Variants in MMP11 observed in about 807,000 individuals in gnomAD.
The protein encoded by MMP11 is stromelysin-3.
MMP11 carries 26 observed loss-of-function variants against 49.5 expected under a neutral mutation model. The ratio of observed to expected loss-of-function variants is 0.52; its 90% confidence interval spans 0.38 to 0.73. The LOEUF is 0.73. Ranked by LOEUF, MMP11 falls within the 30% of genes least tolerant of loss-of-function variation. The pLI, the probability that MMP11 is intolerant of heterozygous loss-of-function variation, is 0.00. For synonymous variants in MMP11, 265 were observed against 282.3 expected (o/e 0.94, Z 0.62); for missense variants, 624 against 671.2 (o/e 0.93, Z 0.78).
chr22:23,773,014 A>AG, intron 1 of MMP11, 36 bp downstream of exon 1: 1 of 1,159,824 alleles, frequency 8.6e-7, no homozygotes, highest in Non-Finnish European at 1.1e-6. Context: ...CTCCTCGCTG[A>AG]GGGGGCGCCG....
chr22:23,782,603 T>A, intron 7 of MMP11, 120 bp downstream of exon 7: 1 of 1,268,024 alleles, frequency 7.9e-7, no homozygotes, highest in African/African-American at 1.5e-5. Flanking sequence ...ACAGGTCCTT[T>A]GTCCAGAGCC....
rs1036311149 is a variant in MMP11 at position 23,772,912 on chromosome 22, C to T, written c.42C>T (p.Ala14=). The change falls in exon 1 of 8, where the codon GCC becomes GCT. Residue 14 remains alanine (A), a synonymous_variant. Coordinates refer to ENST00000215743, the MANE Select transcript of MMP11 (RefSeq NM_005940.5). ...GGCTCCGCAGCGCGGCCGCGCGCGCCCTCCTGCCCCCGATGCTGCTGCTGC... is the reference window on the plus strand; with the variant it reads ...GGCTCCGCAGCGCGGCCGCGCGCGCTCTCCTGCCCCCGATGCTGCTGCTGC... ...AAWLRSAAAR[A]LLPPMLLLLL... is the part of the protein sequence containing the mutation. 1 of 1,179,870 alleles carries T rather than the reference C, an allele frequency of 8.5e-7. No individual in the cohort carries two copies. Among genetic ancestry groups the T allele is most frequent in the African/African-American group, 1.6e-5 (1 of 62,140 alleles). 73.1% of individuals were successfully genotyped at this position (1,179,870 alleles called of 1,614,324 possible). A position where few individuals can be genotyped will look rare whatever the true frequency, so the allele number is the denominator to read the frequency against.
intron 1 of MMP11, among the ~76,000 whole-genome samples, chr22:23,773,950 C>T (rs1445109447): frequency 1.3e-5 from 2 of 152,128 alleles, no homozygotes; most frequent in Non-Finnish European, 2.9e-5. Flanking sequence ...GCAGCCTTGT[C>T]CTGTGCTGGC....
intron 7 of MMP11, 55 bp downstream of exon 7, chr22:23,782,538 A>G: frequency 6.5e-7 from 1 of 1,538,192 alleles, no homozygotes; most frequent in Non-Finnish European, 8.7e-7. Flanking sequence ...CGCTTCTCCC[A>G]CCTGGTGGTG....
At chr22:23,782,153 T>G (rs1208748004) in intron 6 of MMP11, 73 bp from the exon 7 acceptor site, 85 of 1,563,126 alleles carry the variant, frequency 5.4e-5, no homozygotes, top group Non-Finnish European at 7.1e-5. Context: ...GTGGTAGGGG[T>G]CAAGCAGGTC....
At chr22:23,778,444 C>T (rs764409935) in intron 1 of MMP11, among the ~76,000 whole-genome samples, 13 of 152,206 alleles carry the variant, frequency 8.5e-5, no homozygotes, top group Non-Finnish European at 1.6e-4. Flanking sequence ...TTGAAGAAGG[C>T]AGGCAGATCA....
intron 1 of MMP11, among the ~76,000 whole-genome samples, chr22:23,773,478 T>A (rs1927307853): frequency 6.6e-6 from 1 of 152,106 alleles, no homozygotes; most frequent in African/African-American, 2.4e-5. Context: ...AGCCTGGAGA[T>A]GTCCCCCGCG....
intron 1 of MMP11, among the ~76,000 whole-genome samples, 165 bp downstream of exon 1, chr22:23,773,143 G>A (rs542373004): frequency 6.6e-6 from 1 of 152,314 alleles, no homozygotes; most frequent in African/African-American, 2.4e-5. Flanking sequence ...CAGCGAGCTT[G>A]CAGTCCCTGG....
chr22:23,776,204 G>C (rs1053134559), intron 1 of MMP11, among the ~76,000 whole-genome samples: 2 of 144,458 alleles, frequency 1.4e-5, no homozygotes, highest in African/African-American at 5.2e-5. Flanking sequence ...AGAGGGCAGA[G>C]GAGAGAAGAG....
intron 1 of MMP11, among the ~76,000 whole-genome samples, chr22:23,774,528 C>T (rs918687401): frequency 3.9e-5 from 6 of 152,080 alleles, no homozygotes; most frequent in South Asian, 4.1e-4. Context: ...ATGGATGGGA[C>T]GAAGCTACCG....
At chr22:23,781,903 A>G (rs536575784) in intron 6 of MMP11, 147 of 648,888 alleles carry the variant, frequency 2.3e-4, no homozygotes, top group African/African-American at 2.2e-3. Context: ...AGGGCAGTCC[A>G]GCCTGCAGGG....
chr22:23,776,079 C>T (rs941629346), intron 1 of MMP11, among the ~76,000 whole-genome samples: 5 of 152,102 alleles, frequency 3.3e-5, no homozygotes, highest in Non-Finnish European at 5.9e-5. Flanking sequence ...TGTCATGATC[C>T]AGGGGTTTGG....
Position 23,780,231 on chromosome 22 carries a change from C to T in MMP11, c.339-128C>T. 8.5e-7 allele frequency: 1 copy of T among 1,174,122 alleles called. No individual in the cohort carries two copies. Among genetic ancestry groups the T allele is most frequent in the Non-Finnish European group, 1.2e-6 (1 of 824,810 alleles). 72.7% of individuals were successfully genotyped at this position (1,174,122 alleles called of 1,614,324 possible). A position where few individuals can be genotyped will look rare whatever the true frequency, so the allele number is the denominator to read the frequency against. On this transcript the variant is annotated intron_variant, in intron 2 of 7. Coordinates refer to ENST00000215743, the MANE Select transcript of MMP11 (RefSeq NM_005940.5). The surrounding 1 kb of genome is among the most constrained non-coding windows in gnomAD (Gnocchi z 4.6). ...GGAGACCAGTGCGCTGAAGCTGAGG[C>T]CCAGAGTACACCTGGCCTGTGTCCT...
At chr22:23,774,376 C>T (rs548722370) in intron 1 of MMP11, among the ~76,000 whole-genome samples, 1 of 152,310 alleles carries the variant, frequency 6.6e-6, no homozygotes, top group Admixed American at 6.5e-5. Flanking sequence ...TGGTCTGTCA[C>T]TCTGCAAACA....
chr22:23,773,596 C>T (rs1042579792), intron 1 of MMP11, among the ~76,000 whole-genome samples: 5 of 151,846 alleles, frequency 3.3e-5, no homozygotes, highest in Admixed American at 1.3e-4. Flanking sequence ...CAGAAAGAAG[C>T]GGGGAGAGAA....
rs1569157394 is a variant in MMP11, at chr22:23,781,428, T to C, written c.1075+19T>C. On this transcript the variant is annotated intron_variant, in intron 6 of 7. Transcript: ENST00000215743. ...TTCCAAGGTGAGTGGGGGTTGGGGA[T>C]CTGCTCGAGAGACTTCCCAGAGCCA... 6.4e-7 allele frequency: 1 copy of C among 1,570,870 alleles called. No individual in the cohort carries two copies. The highest frequency in any genetic ancestry group is 1.9e-5 in the Admixed American group (1 of 53,608).
At chr22:23,778,213 A>G (rs1229053863) in intron 1 of MMP11, among the ~76,000 whole-genome samples, 2 of 152,236 alleles carry the variant, frequency 1.3e-5, no homozygotes, top group African/African-American at 4.8e-5. Flanking sequence ...GAGCCACCAG[A>G]GTCCTGGCCT....
chr22:23,783,895 C>T lies in MMP11; in HGVS notation c.*351C>T. On this transcript the variant is annotated 3_prime_UTR_variant, in exon 8 of 8. Transcript: ENST00000215743. ...GACTGGGGGAACTGGAGTGTCCTTGCTGTATCCCTGTTGTGAGGTTCCTTC... is the reference window on the plus strand; with the variant it reads ...GACTGGGGGAACTGGAGTGTCCTTGTTGTATCCCTGTTGTGAGGTTCCTTC... 3.4e-6 allele frequency: 1 copy of T among 294,680 alleles called. No individual in the cohort carries two copies. The highest frequency in any genetic ancestry group is 6.7e-6 in the Non-Finnish European group (1 of 149,188). 18.3% of individuals were successfully genotyped at this position (294,680 alleles called of 1,614,324 possible).
chr22:23,774,358 C>T (rs1039573228), intron 1 of MMP11, among the ~76,000 whole-genome samples: 2 of 152,184 alleles, frequency 1.3e-5, no homozygotes, highest in Non-Finnish European at 2.9e-5. Context: ...GGGGTCTGAG[C>T]TGGACTGTGG....
Sources: allele counts gnomAD v4.1 joint callset (sites outside exome capture counted in the v4.1 genomes callset), GRCh38; gene constraint gnomAD v4.1.1; non-coding constraint Gnocchi (gnomAD v3.1); transcripts MANE v1.5; gene names NCBI Gene and HGNC (gene_info 2026-07-23, HGNC 2026-07-21).